The following PTPRD variants were observed in gnomAD, a reference collection of about 807,000 sequenced individuals.
The protein encoded by PTPRD is receptor-type tyrosine-protein phosphatase delta.
A neutral mutation model predicts 214.5 loss-of-function variants in PTPRD; 34 were observed. That is an observed-to-expected ratio of 0.16 (90% CI 0.12 to 0.21). PTPRD has a LOEUF of 0.21. Among genes scored for constraint, PTPRD ranks in the 10% least tolerant of loss-of-function variants. PTPRD has a pLI of 1.00. For missense variants in PTPRD, 2,545 were observed against 2,398.7 expected (o/e 1.06, Z -1.27); for synonymous variants, 1,128 against 845.7 (o/e 1.33, Z -5.79).
chr9:8,986,544 T>C (rs1331667), intron 11 of PTPRD, among the ~76,000 whole-genome samples: 73,654 of 151,616 alleles, frequency 0.49, 18,175 homozygotes, highest in East Asian at 0.64. Context: ...AAAAATCTAC[T>C]TTTGTTAATT....
intron 3 of PTPRD, among the ~76,000 whole-genome samples, chr9:10,050,290 G>A (rs766716373): frequency 3.0e-4 from 45 of 151,894 alleles, no homozygotes; most frequent in Non-Finnish European, 4.0e-4. Flanking sequence ...GCCGGGCTCG[G>A]TGGCTCACCC....
At chr9:10,496,207 T>G (rs961889647) in intron 2 of PTPRD, among the ~76,000 whole-genome samples, 1 of 151,840 alleles carries the variant, frequency 6.6e-6, no homozygotes, top group Admixed American at 6.6e-5. Flanking sequence ...TAGGGTATTG[T>G]TATCTTCGAA....
At chr9:9,664,444 G>A (rs2096677102) in intron 7 of PTPRD, among the ~76,000 whole-genome samples, 1 of 151,574 alleles carries the variant, frequency 6.6e-6, no homozygotes, top group Non-Finnish European at 1.5e-5. Context: ...ATGGTCGTAA[G>A]AAACCAGATC....
intron 3 of PTPRD, among the ~76,000 whole-genome samples, chr9:10,277,524 G>C (rs1405042471): frequency 1.3e-5 from 2 of 152,128 alleles, no homozygotes; most frequent in African/African-American, 4.8e-5. Context: ...CCTAACATAT[G>C]ATCTAAGTTT....
At chr9:8,579,650 T>G (rs1214048964) in intron 14 of PTPRD, among the ~76,000 whole-genome samples, 2 of 152,206 alleles carry the variant, frequency 1.3e-5, no homozygotes, top group Non-Finnish European at 1.5e-5. Flanking sequence ...TAAGAGACAT[T>G]TACATAAAGG....
intron 2 of PTPRD, among the ~76,000 whole-genome samples, chr9:10,378,798 G>A (rs1158487641): frequency 6.6e-6 from 1 of 151,962 alleles, no homozygotes; most frequent in African/African-American, 2.4e-5. Context: ...TGGCTATTCT[G>A]TGTCTTTTGT....
chr9:8,454,098 G>T (rs1284033490), intron 33 of PTPRD, among the ~76,000 whole-genome samples: 1 of 152,102 alleles, frequency 6.6e-6, no homozygotes, highest in African/African-American at 2.4e-5. Flanking sequence ...TGGGAGACAT[G>T]GATAATAATT....
intron 9 of PTPRD, among the ~76,000 whole-genome samples, chr9:9,218,484 G>A (rs755178306): frequency 7.9e-5 from 12 of 152,088 alleles, no homozygotes; most frequent in South Asian, 4.1e-4. Context: ...AAAATAAAAT[G>A]AAATGCCTTT....
chr9:10,396,026 A>G (rs989637997), intron 2 of PTPRD, among the ~76,000 whole-genome samples: 2 of 151,664 alleles, frequency 1.3e-5, no homozygotes, highest in Non-Finnish European at 2.9e-5. Flanking sequence ...GGAGAGGGGT[A>G]ATGATTTCCT....
intron 3 of PTPRD, among the ~76,000 whole-genome samples, chr9:10,205,022 C>G (rs1432331697): frequency 2.2e-5 from 3 of 137,292 alleles, no homozygotes; most frequent in African/African-American, 3.1e-5. Context: ...CTATTTTTAA[C>G]AAGCTCTGCA....
chr9:9,150,502 T>A lies in PTPRD; in HGVS notation c.-143+32802A>T, dbSNP rs565289387. ...ACTATATATATATGTATATATATAT[T>A]TTTTTGAGATGGAGTCTTGCTATGT... On this transcript the variant is annotated intron_variant, in intron 10 of 45. Coordinates refer to ENST00000381196, the MANE Select transcript of PTPRD (RefSeq NM_002839.4). Among the ~76,000 whole-genome samples the A allele has an allele frequency of 2.6e-3, 384 of 148,528 alleles. 1 individual carries two copies. Among genetic ancestry groups the A allele is most frequent in the African/African-American group, 8.7e-3 (354 of 40,730 alleles).
chr9:9,847,306 T>C (rs2059716362), intron 5 of PTPRD, among the ~76,000 whole-genome samples: 1 of 152,148 alleles, frequency 6.6e-6, no homozygotes, highest in Non-Finnish European at 1.5e-5. Flanking sequence ...AAATTACTGA[T>C]GTGTTCTATG....
At chr9:8,343,968 G>A (rs931149723) in intron 39 of PTPRD, among the ~76,000 whole-genome samples, 17 of 152,050 alleles carry the variant, frequency 1.1e-4, no homozygotes, top group Non-Finnish European at 1.9e-4. Context: ...CCTCTGCATA[G>A]TGTTTGATCA....
intron 4 of PTPRD, among the ~76,000 whole-genome samples, chr9:9,949,520 G>A (rs563456214): frequency 5.3e-5 from 8 of 152,098 alleles, no homozygotes; most frequent in African/African-American, 1.9e-4. Context: ...GCCCTCGTAG[G>A]GAGTTAATGA....
intron 39 of PTPRD, among the ~76,000 whole-genome samples, chr9:8,352,556 A>G (rs1588420473): frequency 6.6e-6 from 1 of 152,268 alleles, no homozygotes; most frequent in East Asian, 1.9e-4. Flanking sequence ...TGCTCAACCC[A>G]AAGGAAGTTA....
chr9:9,552,584 G>T (rs888444977), intron 8 of PTPRD, among the ~76,000 whole-genome samples: 3 of 151,914 alleles, frequency 2.0e-5, no homozygotes, highest in Non-Finnish European at 4.4e-5. Flanking sequence ...TAAGCCTATA[G>T]CAAACTTCTT....
chr9:8,937,678 T>C (rs926166450), intron 11 of PTPRD, among the ~76,000 whole-genome samples: 2 of 152,188 alleles, frequency 1.3e-5, no homozygotes, highest in South Asian at 4.1e-4. Flanking sequence ...CAAAGTGCAA[T>C]ATACAAATGC....
chr9:9,651,620 C>T (rs1326899767), intron 7 of PTPRD, among the ~76,000 whole-genome samples: 1 of 152,072 alleles, frequency 6.6e-6, no homozygotes, highest in African/African-American at 2.4e-5. Context: ...ATATGTACCA[C>T]ATTTTCTTTA....
chr9:8,938,116 A>C (rs2154291857), intron 11 of PTPRD, among the ~76,000 whole-genome samples: 1 of 152,304 alleles, frequency 6.6e-6, no homozygotes, highest in South Asian at 2.1e-4. Flanking sequence ...GTAGGCAAGG[A>C]GGTTTTGTAA....
Sources: allele counts gnomAD v4.1 joint callset (sites outside exome capture counted in the v4.1 genomes callset), GRCh38; gene constraint gnomAD v4.1.1; transcripts MANE v1.5; gene names NCBI Gene and HGNC (gene_info 2026-07-23, HGNC 2026-07-21).